The following PRKN variants were observed in gnomAD, a reference collection of about 807,000 sequenced individuals.
PRKN encodes the protein E3 ubiquitin-protein ligase parkin.
PRKN carries 56 observed loss-of-function variants against 59.5 expected under a neutral mutation model. The ratio of observed to expected loss-of-function variants is 0.94; its 90% CI spans 0.76 to 1.18. PRKN has a LOEUF of 1.18. Ranked by LOEUF, PRKN falls within the 50% of genes most tolerant of loss-of-function variation. The probability of loss-of-function intolerance (pLI) is 0.00; values close to 1 mark genes in which losing one functional copy is unlikely to be tolerated. For missense variants in PRKN, 657 were observed against 596.4 expected (o/e 1.10, Z -1.06); for synonymous variants, 250 against 222.1 (o/e 1.13, Z -1.12).
rs1468579243 is a variant in PRKN at position 161,454,176 on chromosome 6, G to A, written c.1084-67299C>T. ...TCGCTAGGGTTGCCAGCAGCATTTTGGCGATGTCCCCTTGGGTCACAGAAC... is the reference window on the plus strand; with the variant it reads ...TCGCTAGGGTTGCCAGCAGCATTTTAGCGATGTCCCCTTGGGTCACAGAAC... On this transcript the variant is annotated intron_variant, in intron 9 of 11. Transcript: ENST00000366898. The surrounding 1 kb of genome is among the most constrained non-coding windows in gnomAD (Gnocchi z 4.6). Among the ~76,000 whole-genome samples the A allele has an allele frequency of 1.3e-5, 2 of 152,164 alleles. No individual in the cohort carries two copies. The highest frequency in any genetic ancestry group is 2.9e-5 in the Non-Finnish European group (2 of 68,030).
At position 162,702,947 on chromosome 6, in the gene PRKN, CA is replaced by C. The variant is rs531832783; in HGVS notation, c.7+24714del. On this transcript the variant is annotated intron_variant, in intron 1 of 11. Transcript: ENST00000366898. ...TTAACCATAAAGGAATACCGAAAGC[CA>C]GTTTTTAAAGTTATTTAGGCAAAAA... Among the ~76,000 whole-genome samples the C allele has an allele frequency of 6.5e-4, 99 of 152,188 alleles. 2 individuals carry two copies. In the South Asian group the frequency reaches 0.02, roughly 31 times the overall value.
At chr6:161,486,172 T>A (rs1227963143) in intron 9 of PRKN, among the ~76,000 whole-genome samples, 3 of 152,198 alleles carry the variant, frequency 2.0e-5, no homozygotes, top group Admixed American at 2.0e-4. Context: ...ATTATTTCGT[T>A]CTTTCTATAT....
chr6:161,716,633 G>A (rs73783355), intron 7 of PRKN, among the ~76,000 whole-genome samples: 1 of 152,122 alleles, frequency 6.6e-6, no homozygotes, highest in African/African-American at 2.4e-5. Context: ...AAGAAACAAA[G>A]GCTATGTACT....
chr6:162,716,771 C>T (rs1349072560), intron 1 of PRKN, among the ~76,000 whole-genome samples: 13 of 135,380 alleles, frequency 9.6e-5, no homozygotes, highest in African/African-American at 3.6e-4. Context: ...CGCGCGCGCA[C>T]GCACACACAC....
At chr6:162,688,478 T>C (rs1457563101) in intron 1 of PRKN, among the ~76,000 whole-genome samples, 1 of 152,232 alleles carries the variant, frequency 6.6e-6, no homozygotes, top group East Asian at 1.9e-4. Flanking sequence ...TCAATTGTAT[T>C]AGATAACTAA....
At chr6:161,683,674 T>C (rs1785454099) in intron 7 of PRKN, among the ~76,000 whole-genome samples, 1 of 152,264 alleles carries the variant, frequency 6.6e-6, no homozygotes, top group East Asian at 1.9e-4. Context: ...AATCTGTCCT[T>C]GGGTACATGG....
At chr6:162,648,069 T>A (rs931087321) in intron 1 of PRKN, among the ~76,000 whole-genome samples, 8 of 151,546 alleles carry the variant, frequency 5.3e-5, no homozygotes, top group Non-Finnish European at 8.8e-5. Context: ...AGGTCACAAT[T>A]TATTATAAAT....
At chr6:162,209,489 C>T (rs1353681129) in intron 3 of PRKN, among the ~76,000 whole-genome samples, 1 of 152,158 alleles carries the variant, frequency 6.6e-6, no homozygotes, top group Non-Finnish European at 1.5e-5. Context: ...AACAGGAACG[C>T]TTTTACATTG....
intron 2 of PRKN, among the ~76,000 whole-genome samples, chr6:162,310,072 A>G (rs376344810): frequency 3.9e-5 from 6 of 152,192 alleles, no homozygotes; most frequent in Non-Finnish European, 8.8e-5. Flanking sequence ...ATAGTATTCA[A>G]TGGTGTATAT....
At chr6:162,012,341 T>C (rs1414130496) in intron 5 of PRKN, among the ~76,000 whole-genome samples, 3 of 152,092 alleles carry the variant, frequency 2.0e-5, no homozygotes, top group East Asian at 1.9e-4. Flanking sequence ...ATGTACATTA[T>C]ATAGAGAAAG....
intron 2 of PRKN, among the ~76,000 whole-genome samples, chr6:162,331,641 G>A (rs1223409025): frequency 1.3e-5 from 2 of 152,056 alleles, no homozygotes; most frequent in Non-Finnish European, 2.9e-5. Flanking sequence ...TTTTCTTTCT[G>A]AGTATCATCA....
At chr6:161,896,659 G>A (rs1473747459) in intron 6 of PRKN, among the ~76,000 whole-genome samples, 4 of 152,176 alleles carry the variant, frequency 2.6e-5, no homozygotes, top group Non-Finnish European at 5.9e-5. Flanking sequence ...GGGAGGTGAT[G>A]TATGCTTATT....
At chr6:162,115,874 A>G (rs1780649972) in intron 4 of PRKN, among the ~76,000 whole-genome samples, 1 of 152,206 alleles carries the variant, frequency 6.6e-6, no homozygotes, top group South Asian at 2.1e-4. Context: ...AGCTAAAAAG[A>G]TTGATCTGAG....
chr6:162,339,629 T>C (rs1214241748), intron 2 of PRKN, among the ~76,000 whole-genome samples: 1 of 151,832 alleles, frequency 6.6e-6, no homozygotes, highest in Non-Finnish European at 1.5e-5. Context: ...CCACCCCGTC[T>C]GGGAGGTGTA....
chr6:162,098,181 G>C (rs1422634974), intron 4 of PRKN, among the ~76,000 whole-genome samples: 2 of 151,998 alleles, frequency 1.3e-5, no homozygotes, highest in Non-Finnish European at 2.9e-5. Flanking sequence ...ATTTCATTTT[G>C]TAAGAGTTGC....
intron 2 of PRKN, among the ~76,000 whole-genome samples, chr6:162,402,193 G>C (rs1787828807): frequency 6.6e-6 from 1 of 151,040 alleles, no homozygotes; most frequent in Non-Finnish European, 1.5e-5. Flanking sequence ...AGGTTGCAGT[G>C]AGCTGAGATT....
chr6:162,268,441 T>C (rs1780230804), intron 2 of PRKN, among the ~76,000 whole-genome samples: 3 of 152,198 alleles, frequency 2.0e-5, no homozygotes, highest in Admixed American at 1.3e-4. Flanking sequence ...ACCTTGACCT[T>C]GGATTTCCCA....
intron 1 of PRKN, among the ~76,000 whole-genome samples, chr6:162,652,896 A>G (rs1778499656): frequency 6.6e-6 from 1 of 152,252 alleles, no homozygotes; most frequent in Non-Finnish European, 1.5e-5. Flanking sequence ...CTTTTTCATC[A>G]GTATTCTGAG....
Position 161,830,257 on chromosome 6 carries a change from G to T in PRKN, c.735-44349C>A, listed in dbSNP as rs113491191. On this transcript the variant is annotated intron_variant, in intron 6 of 11. Coordinates refer to ENST00000366898, the MANE Select transcript of PRKN (RefSeq NM_004562.3). ...GTTACCTTTGTTTTTTTTGTTTTTT[G>T]TTTTTTTTTTTTGAGATGGAGTCTC... 1.9e-4 allele frequency among the ~76,000 whole-genome samples: 28 copies of T among 144,504 alleles called. 1 individual carries two copies. Among genetic ancestry groups the T allele is most frequent in the African/African-American group, 5.8e-4 (23 of 39,416 alleles). 94.8% of individuals were successfully genotyped at this position (144,504 alleles called of 152,430 possible). A position where few individuals can be genotyped will look rare whatever the true frequency, so the allele number is the denominator to read the frequency against.
Sources: allele counts gnomAD v4.1 joint callset (sites outside exome capture counted in the v4.1 genomes callset), GRCh38; gene constraint gnomAD v4.1.1; non-coding constraint Gnocchi (gnomAD v3.1); transcripts MANE v1.5; gene names NCBI Gene and HGNC (gene_info 2026-07-23, HGNC 2026-07-21).